The following TOX2 variants were observed in gnomAD, a reference collection of about 807,000 sequenced individuals.
TOX2 encodes the protein granulosa cell HMG box 1.
TOX2 carries 15 observed loss-of-function variants against 47.4 expected under a neutral mutation model. That is an observed-to-expected ratio of 0.32 (90% CI 0.21 to 0.49). The LOEUF is 0.49. Ranked by LOEUF, TOX2 falls within the 20% of genes least tolerant of loss-of-function variation. The pLI is 0.99. For missense variants in TOX2, 622 were observed against 673.1 expected (o/e 0.92, Z 0.84); for synonymous variants, 290 against 296.6 (o/e 0.98, Z 0.23).
chr20:44,026,228 G>GATAT (rs6147358), intron 3 of TOX2, among the ~76,000 whole-genome samples: 906 of 60,232 alleles, frequency 0.015, 166 homozygotes, highest in African/African-American at 0.064. Context: ...AAGAAACTGT[G>GATAT]ATATATATAT....
In TOX2 at chr20:44,046,743, T is replaced by C. The variant is rs192839747; in HGVS notation, c.412-4563T>C. Among the ~76,000 whole-genome samples, 453 of 152,340 alleles carry C rather than the reference T, an allele frequency of 3.0e-3. 1 individual carries two copies. Among genetic ancestry groups the C allele is most frequent in the African/African-American group, 0.01 (433 of 41,566 alleles). On this transcript the variant is annotated intron_variant, in intron 3 of 8. Transcript: ENST00000341197. ...AAAGTAGTCAAAACTGTTTATTGAA[T>C]AGACATATGGAGAAATTTGTACAAT...
chr20:43,959,249 C>T (rs1307707261), intron 1 of TOX2, among the ~76,000 whole-genome samples: 1 of 152,240 alleles, frequency 6.6e-6, no homozygotes, highest in Non-Finnish European at 1.5e-5. Flanking sequence ...CATGCAGCAG[C>T]TTAGTGCAGA....
intron 2 of TOX2, among the ~76,000 whole-genome samples, chr20:43,991,962 A>G (rs2070376602): frequency 1.3e-5 from 2 of 152,180 alleles, no homozygotes; most frequent in Non-Finnish European, 2.9e-5. Context: ...GAAGTAAAGT[A>G]TACTGTATGT....
chr20:43,955,627 C>T (rs530289496), intron 1 of TOX2, among the ~76,000 whole-genome samples: 5 of 152,238 alleles, frequency 3.3e-5, no homozygotes, highest in South Asian at 2.1e-4. Context: ...CTGGGTGATC[C>T]CTTGCCCTTG....
At chr20:44,003,915 T>C (rs1198978413) in intron 2 of TOX2, among the ~76,000 whole-genome samples, 1 of 152,144 alleles carries the variant, frequency 6.6e-6, no homozygotes, top group Non-Finnish European at 1.5e-5. Context: ...CATCATTTGA[T>C]GTGGGATTGA....
chr20:44,023,416 C>G (rs1173496675), intron 3 of TOX2, among the ~76,000 whole-genome samples: 6 of 118,818 alleles, frequency 5.0e-5, no homozygotes, highest in African/African-American at 2.1e-4. Context: ...GGTGACAGAG[C>G]TAGACTTTAT....
chr20:44,004,704 A>T (rs190316698), intron 2 of TOX2, among the ~76,000 whole-genome samples: 1 of 152,322 alleles, frequency 6.6e-6, no homozygotes, highest in African/African-American at 2.4e-5. Context: ...CTGCTCAGTA[A>T]CTTCATCCAG....
intron 1 of TOX2, chr20:43,945,868 T>C (rs373818119): frequency 5.6e-6 from 9 of 1,604,886 alleles, no homozygotes; most frequent in African/African-American, 1.3e-5. Flanking sequence ...GGAGGGCTTA[T>C]AAAGCTTGCT....
intron 5 of TOX2, among the ~76,000 whole-genome samples, chr20:44,057,715 AAAAC>A (rs1247240729): frequency 6.6e-6 from 1 of 152,264 alleles, no homozygotes; most frequent in Non-Finnish European, 1.5e-5. Flanking sequence ...TTAATGGCTT[AAAAC>A]AATAATCATT....
intron 5 of TOX2, among the ~76,000 whole-genome samples, chr20:44,058,394 G>A (rs757369764): frequency 6.6e-6 from 1 of 152,176 alleles, no homozygotes; most frequent in Non-Finnish European, 1.5e-5. Context: ...AGCATCTGCA[G>A]CAAGCCCCAC....
intron 5 of TOX2, 115 bp from the exon 6 acceptor site, chr20:44,064,662 C>A: frequency 1.0e-6 from 1 of 993,882 alleles, no homozygotes; most frequent in Non-Finnish European, 1.5e-6. Flanking sequence ...GCTTCTGACC[C>A]CACCACCCTC....
At chr20:44,041,378 C>T (rs1212341392) in intron 3 of TOX2, among the ~76,000 whole-genome samples, 2 of 152,226 alleles carry the variant, frequency 1.3e-5, no homozygotes, top group Non-Finnish European at 2.9e-5. Context: ...GTGTCCACTA[C>T]AGCGGGCATC....
chr20:44,065,505 C>T (rs1182779413), intron 6 of TOX2, among the ~76,000 whole-genome samples: 2 of 152,126 alleles, frequency 1.3e-5, no homozygotes, highest in African/African-American at 2.4e-5. Context: ...GGCAGGGGAG[C>T]CCCCCAAAGA....
At chr20:44,036,197 T>C (rs545942264) in intron 3 of TOX2, among the ~76,000 whole-genome samples, 1 of 152,318 alleles carries the variant, frequency 6.6e-6, no homozygotes, top group South Asian at 2.1e-4. Flanking sequence ...GGGTCACAGC[T>C]GCACTGATTT....
intron 7 of TOX2, 91 bp from the exon 8 acceptor site, chr20:44,066,639 T>C: frequency 1.3e-6 from 2 of 1,599,520 alleles, no homozygotes; most frequent in South Asian, 2.2e-5. Context: ...GTGGACACCC[T>C]TGGACACATG....
chr20:43,951,722 T>TTTTTTTTTTTTTTTTTTTTTTG (rs1569027227), intron 1 of TOX2, among the ~76,000 whole-genome samples: 11 of 133,888 alleles, frequency 8.2e-5, no homozygotes, highest in South Asian at 2.7e-4. Context: ...TTTTTTTTTT[T>TTTTTTTTTTTTTTTTTTTTTTG]TTTTTTAGAG....
Position 43,996,488 on chromosome 20 carries a change from T to C in TOX2, c.166-10059T>C, listed in dbSNP as rs141544047. Among the ~76,000 whole-genome samples, 20 of 152,350 alleles carry C rather than the reference T, an allele frequency of 1.3e-4. No individual in the cohort carries two copies. The East Asian group carries it at 2.7e-3, about 21-fold the overall frequency. On this transcript the variant is annotated intron_variant, in intron 2 of 8. Transcript: ENST00000341197. ...CTTGAACAGTGGCAGAGCAAAGCTT[T>C]GGCTACTGGTAGGCAGGGCTTCTTG...
At chr20:43,951,722 T>TTTTTTTTTTTTTTTTTTTG (rs1569027227) in intron 1 of TOX2, among the ~76,000 whole-genome samples, 1 of 133,796 alleles carries the variant, frequency 7.5e-6, no homozygotes, top group Non-Finnish European at 1.6e-5. Flanking sequence ...TTTTTTTTTT[T>TTTTTTTTTTTTTTTTTTTG]TTTTTTAGAG....
chr20:44,068,640 T>C lies in TOX2; in HGVS notation c.1485-10T>C, dbSNP rs752001399. The C allele has an allele frequency of 3.0e-5, 49 of 1,609,242 alleles. 1 individual carries two copies. The highest frequency in any genetic ancestry group is 3.8e-5 in the Non-Finnish European group (45 of 1,176,402). On this transcript the variant is annotated splice_polypyrimidine_tract_variant and intron_variant, in intron 8 of 8. Transcript: ENST00000341197. The stretch of plus-strand genomic sequence containing the variant: ...CCAACAGCTTTGACAGCCCCTCCTC[T>C]CTCTCACAGCCTGCTCCCCAGGGAC...
Sources: gnomAD v4.1 joint callset for allele counts (sites outside exome capture counted in the v4.1 genomes callset) on GRCh38, gnomAD v4.1.1 for gene constraint, MANE v1.5 for transcripts, NCBI Gene and HGNC (gene_info 2026-07-23, HGNC 2026-07-21) for gene names.